Variants in MRTFA observed in about 807,000 individuals in gnomAD.
MRTFA encodes myocardin related transcription factor A, also known as myocardin-related transcription factor A.
Under a neutral mutation model 83.5 loss-of-function variants are expected in MRTFA, and 20 were observed. The ratio of observed to expected loss-of-function variants is 0.24; its 90% CI spans 0.17 to 0.35. The LOEUF (loss-of-function observed/expected upper bound fraction) is 0.35. Among genes scored for constraint, MRTFA ranks in the 10% least tolerant of loss-of-function variants. The pLI is 1.00. For synonymous variants in MRTFA, 659 were observed against 541.2 expected, an observed-to-expected ratio of 1.22 and a Z score of -3.02; for missense variants, 1,200 against 1,224.7, an observed-to-expected ratio of 0.98 and a Z score of 0.30.
chr22:40,431,452 C>T lies in MRTFA; in HGVS notation c.392G>A (p.Arg131His), dbSNP rs769458301. ...CAGCTCCGATCTCTCCGGCCGGGAA[C>T]GAATCTTCCGTTTGAGATAGTCCTC... is the stretch of plus-strand genomic sequence containing the variant. Residue 131 changes from arginine to histidine, a missense_variant, in exon 6 of 15, where the codon CGT (arginine) becomes CAT (histidine). Physicochemically the swap from Arg to His is conservative, Grantham distance 29. Transcript: ENST00000355630. 11 of 1,613,956 alleles carry T rather than the reference C, an allele frequency of 6.8e-6. No homozygotes were observed. Among genetic ancestry groups the T allele is most frequent in the East Asian group, 2.2e-5 (1 of 44,888 alleles).
At chr22:40,454,269 C>T (rs1178969884) in intron 4 of MRTFA, among the ~76,000 whole-genome samples, 1 of 152,142 alleles carries the variant, frequency 6.6e-6, no homozygotes, top group Non-Finnish European at 1.5e-5. Flanking sequence ...GCACTTGCTA[C>T]CACATCCAGC....
chr22:40,621,437 G>A (rs1316336336), intron 1 of MRTFA, among the ~76,000 whole-genome samples: 1 of 152,132 alleles, frequency 6.6e-6, no homozygotes, highest in Non-Finnish European at 1.5e-5. Context: ...AGACAGAAAA[G>A]GGAATGGTGG....
At chr22:40,583,795 C>G (rs1396026302) in intron 2 of MRTFA, among the ~76,000 whole-genome samples, 1 of 152,164 alleles carries the variant, frequency 6.6e-6, no homozygotes, top group African/African-American at 2.4e-5. Flanking sequence ...AAAACCTTGC[C>G]CCCCTGCCTC....
intron 4 of MRTFA, among the ~76,000 whole-genome samples, chr22:40,454,148 T>A (rs1602268070): frequency 6.6e-6 from 1 of 152,152 alleles, no homozygotes; most frequent in East Asian, 1.9e-4. Flanking sequence ...TGGGTGGGGG[T>A]GTGAGGGAGG....
In MRTFA at chr22:40,420,503, T is replaced by C. The variant is rs527795508; in HGVS notation, c.1255A>G (p.Ser419Gly). The C allele has an allele frequency of 6.2e-6, 10 of 1,613,784 alleles. No individual in the cohort carries two copies. Among genetic ancestry groups the C allele is most frequent in the Non-Finnish European group, 5.1e-6 (6 of 1,180,010 alleles). Reference sequence around the variant, plus strand: ...CCACAGGGCCCAGGGGCGCCCGAGCTGGAGCTGCTATTGGTAGTGGAGAGG... The same window carrying C: ...CCACAGGGCCCAGGGGCGCCCGAGCCGGAGCTGCTATTGGTAGTGGAGAGG... The change falls in exon 11 of 15, where the codon AGC becomes GGC. Residue 419 changes from serine to glycine, a missense_variant. Transcript: ENST00000355630.
intron 3 of MRTFA, among the ~76,000 whole-genome samples, chr22:40,505,000 T>A (rs1956650603): frequency 6.6e-6 from 1 of 152,200 alleles, no homozygotes; most frequent in Non-Finnish European, 1.5e-5. Context: ...AATGCTAAGC[T>A]CTTTGAGGAA....
At chr22:40,453,058 G>A (rs5995856) in intron 4 of MRTFA, among the ~76,000 whole-genome samples, 18,981 of 152,138 alleles carry the variant, frequency 0.12, 1,375 homozygotes, top group East Asian at 0.24. Flanking sequence ...CAAATGCAAC[G>A]TAAAATGCCT....
At chr22:40,451,009 A>G (rs908673877) in intron 4 of MRTFA, among the ~76,000 whole-genome samples, 22 of 152,170 alleles carry the variant, frequency 1.4e-4, no homozygotes, top group Non-Finnish European at 2.8e-4. Context: ...TAACTGCTGC[A>G]CTGGGTAATT....
chr22:40,615,489 C>T (rs1213148492), intron 1 of MRTFA, among the ~76,000 whole-genome samples: 4 of 152,116 alleles, frequency 2.6e-5, no homozygotes, highest in Non-Finnish European at 4.4e-5. Context: ...TTCAGAAAGT[C>T]AATTTCTCCC....
At chr22:40,554,731 C>T (rs1456282013) in intron 2 of MRTFA, among the ~76,000 whole-genome samples, 1 of 152,204 alleles carries the variant, frequency 6.6e-6, no homozygotes, top group African/African-American at 2.4e-5. Context: ...TTATAAATTA[C>T]ATCACTGGCA....
intron 3 of MRTFA, among the ~76,000 whole-genome samples, chr22:40,465,843 G>A (rs1489349213): frequency 1.3e-5 from 2 of 152,086 alleles, no homozygotes; most frequent in Non-Finnish European, 2.9e-5. Flanking sequence ...TGAGATTACA[G>A]GTGTGAGGCA....
At chr22:40,549,863 T>A (rs1350544338) in intron 3 of MRTFA, among the ~76,000 whole-genome samples, 1 of 151,986 alleles carries the variant, frequency 6.6e-6, no homozygotes, top group Admixed American at 6.6e-5. Context: ...ATCAGCCTGG[T>A]CAACATGGTG....
chr22:40,463,508 G>C, intron 3 of MRTFA: 1 of 485,882 alleles, frequency 2.1e-6, no homozygotes, highest in South Asian at 2.9e-5. Flanking sequence ...GGGTCTTGCA[G>C]GGCGATAACA....
chr22:40,609,632 A>T (rs2056361717), intron 1 of MRTFA, among the ~76,000 whole-genome samples: 1 of 152,070 alleles, frequency 6.6e-6, no homozygotes, highest in East Asian at 1.9e-4. Flanking sequence ...GGAGTTCAAG[A>T]TCAGCCTAGC....
chr22:40,613,693 A>G (rs1242644901), intron 1 of MRTFA, among the ~76,000 whole-genome samples: 1 of 149,874 alleles, frequency 6.7e-6, no homozygotes, highest in Admixed American at 6.7e-5. Flanking sequence ...CTGTCTCTAG[A>G]AAAAAAAAAA....
At chr22:40,479,916 G>T (rs1206397132) in intron 3 of MRTFA, among the ~76,000 whole-genome samples, 2 of 152,018 alleles carry the variant, frequency 1.3e-5, no homozygotes, top group African/African-American at 4.8e-5. Flanking sequence ...TTCCTGGGCT[G>T]GTAAACCTGG....
chr22:40,482,952 G>T (rs1397461399), intron 3 of MRTFA, among the ~76,000 whole-genome samples: 3 of 152,072 alleles, frequency 2.0e-5, no homozygotes, highest in African/African-American at 7.3e-5. Context: ...GCAACACAGG[G>T]AGACAACATC....
chr22:40,460,455 G>A (rs2053690494), intron 4 of MRTFA, among the ~76,000 whole-genome samples: 1 of 152,216 alleles, frequency 6.6e-6, no homozygotes, highest in African/African-American at 2.4e-5. Context: ...AGTAGCCCAT[G>A]TGTCAGCACT....
At chr22:40,473,710 A>G (rs2147171788) in intron 3 of MRTFA, among the ~76,000 whole-genome samples, 1 of 152,352 alleles carries the variant, frequency 6.6e-6, no homozygotes, top group Non-Finnish European at 1.5e-5. Flanking sequence ...GCCTTAAGTG[A>G]AGCTCAGCAT....
Sources: allele counts gnomAD v4.1 joint callset (sites outside exome capture counted in the v4.1 genomes callset), GRCh38; gene constraint gnomAD v4.1.1; transcripts MANE v1.5; gene names NCBI Gene and HGNC (gene_info 2026-07-23, HGNC 2026-07-21).